Variants in YME1L1 observed in about 807,000 individuals in gnomAD.
The protein encoded by YME1L1 is YME1 like 1 ATPase.
YME1L1 carries 39 observed loss-of-function variants against 90.4 expected under a neutral mutation model. That is an observed-to-expected ratio of 0.43 (90% CI 0.33 to 0.56). YME1L1 has a LOEUF of 0.56. Ranked by LOEUF, YME1L1 falls within the 20% of genes least tolerant of loss-of-function variation. The pLI is 0.03. For missense variants in YME1L1, 617 were observed against 868.4 expected (o/e 0.71, Z 3.64); for synonymous variants, 284 against 287.3 (o/e 0.99, Z 0.12).
At chr10:27,148,842 C>A in intron 2 of YME1L1, 64 bp downstream of exon 2, 1 of 1,583,116 alleles carries the variant, frequency 6.3e-7, no homozygotes, top group Non-Finnish European at 8.6e-7. Flanking sequence ...CTTAATCCTT[C>A]ATTTGTTTAA....
chr10:27,132,182 C>G (rs1007487924), intron 7 of YME1L1, among the ~76,000 whole-genome samples: 4 of 152,078 alleles, frequency 2.6e-5, no homozygotes, highest in Admixed American at 2.0e-4. Flanking sequence ...CTCACTGCAA[C>G]CTCAACCTCC....
At chr10:27,134,175 G>T in intron 6 of YME1L1, 53 bp from the exon 7 acceptor site, 3 of 1,315,888 alleles carry the variant, frequency 2.3e-6, no homozygotes, top group Non-Finnish European at 3.2e-6. Flanking sequence ...AAATATGACA[G>T]CTCAATGAAA....
intron 3 of YME1L1, among the ~76,000 whole-genome samples, chr10:27,143,475 G>A (rs1253025615): frequency 2.0e-5 from 3 of 151,864 alleles, no homozygotes; most frequent in African/African-American, 2.4e-5. Flanking sequence ...TGAGGCGGGC[G>A]GATCACGAGG....
chr10:27,148,794 T>C, intron 2 of YME1L1, 112 bp downstream of exon 2: 1 of 1,414,020 alleles, frequency 7.1e-7, no homozygotes. Context: ...AGTCAAAAAT[T>C]ATACTCAAAT....
intron 4 of YME1L1, among the ~76,000 whole-genome samples, chr10:27,137,066 A>T (rs1267871342): frequency 6.6e-6 from 1 of 151,756 alleles, no homozygotes; most frequent in Non-Finnish European, 1.5e-5. Flanking sequence ...AATAGATTGA[A>T]TCTACACAAC....
chr10:27,151,262 T>TG (rs1474017909), intron 1 of YME1L1, among the ~76,000 whole-genome samples: 1 of 152,178 alleles, frequency 6.6e-6, no homozygotes, highest in Admixed American at 6.5e-5. Flanking sequence ...AACCCTCTCT[T>TG]GGGGTCTGGA....
At chr10:27,144,908 G>A (rs1207692207) in intron 3 of YME1L1, among the ~76,000 whole-genome samples, 1 of 152,154 alleles carries the variant, frequency 6.6e-6, no homozygotes, top group Non-Finnish European at 1.5e-5. Flanking sequence ...TTGGGAGGCT[G>A]AGGAGGGTGG....
intron 5 of YME1L1, 133 bp downstream of exon 5, chr10:27,136,143 G>A (rs1297929472): frequency 6.9e-6 from 5 of 723,812 alleles, no homozygotes; most frequent in South Asian, 1.8e-5. Flanking sequence ...GATTACACAG[G>A]TTACTAATCC....
At chr10:27,140,539 C>A (rs754542331) in intron 4 of YME1L1, among the ~76,000 whole-genome samples, 5 of 152,008 alleles carry the variant, frequency 3.3e-5, no homozygotes, top group East Asian at 1.9e-4. Flanking sequence ...AGTTCAGTGG[C>A]GCGGTCTCGG....
rs369764162 is a variant in YME1L1 at position 27,117,740 on chromosome 10, T to C, written c.1568-13A>G. 1 of 1,612,948 alleles carries C rather than the reference T, an allele frequency of 6.2e-7. No homozygotes were observed. Among genetic ancestry groups the C allele is most frequent in the Non-Finnish European group, 8.5e-7 (1 of 1,179,226 alleles). On this transcript the variant is annotated splice_polypyrimidine_tract_variant and intron_variant, in intron 14 of 18. Transcript: ENST00000376016. Reference sequence around the variant, plus strand: ...CTTCTTTCAGGCCCTAAGATAAATTTAATTGAGTAAATACTCCATTAGAAA... The same window carrying C: ...CTTCTTTCAGGCCCTAAGATAAATTCAATTGAGTAAATACTCCATTAGAAA...
In YME1L1 at chr10:27,122,769, T is replaced by C. The variant is rs757218285; in HGVS notation, c.1235+72A>G. On this transcript the variant is annotated intron_variant, in intron 11 of 18. Coordinates refer to ENST00000376016, the MANE Select transcript of YME1L1 (RefSeq NM_014263.4). ...AAATGCCTTATGGAAATAATTTGCA[T>C]AAGATCAATTCTACGTATATCAAAT... 4 of 1,578,960 alleles carry C rather than the reference T, an allele frequency of 2.5e-6. No individual in the cohort carries two copies. In the East Asian group the frequency reaches 9.0e-5, roughly 35 times the overall value.
In YME1L1 at chr10:27,145,429, A is replaced by G. The variant is rs778512163; in HGVS notation, c.330T>C (p.Tyr110=). ...VSAQSFFENK[Y]GNLDIFSTLR... is the part of the protein sequence containing the mutation. ...GGAACAAAAAACACATTAACATACC[A>G]TATTTATTTTCAAAGAAGGATTGTG... is the stretch of plus-strand genomic sequence containing the variant. Residue 110 remains tyrosine (Y), a splice_region_variant and synonymous_variant, in exon 3 of 19, where the codon TAT becomes TAC. Coordinates refer to ENST00000376016, the MANE Select transcript of YME1L1 (RefSeq NM_014263.4). The G allele has an allele frequency of 4.4e-6, 7 of 1,600,434 alleles. No homozygotes were observed. The South Asian group carries it at 5.6e-5, about 13-fold the overall frequency.
intron 14 of YME1L1, among the ~76,000 whole-genome samples, chr10:27,118,779 TA>T (rs1355684932): frequency 6.6e-6 from 1 of 152,220 alleles, no homozygotes; most frequent in Admixed American, 6.5e-5. Flanking sequence ...ATCCAAGATT[TA>T]AAATCGAAAT....
rs80171997 is a variant in YME1L1 at position 27,146,364 on chromosome 10, T to A, written c.169-774A>T. 1.1e-4 allele frequency: 17 copies of A among 152,200 alleles called. No individual in the cohort carries two copies. In the East Asian group the frequency reaches 3.1e-3, roughly 28 times the overall value. The allele number at this position is 152,200 out of a possible 1,614,324, so 9.4% of individuals were successfully genotyped here. A position where few individuals can be genotyped will look rare whatever the true frequency, so the allele number is the denominator to read the frequency against. On this transcript the variant is annotated intron_variant, in intron 2 of 18. Transcript: ENST00000376016. ...ACTGTGTGAAAATCAGGCAAAAAAGTCTAAAAATCACAAAAATGTGTGTAT... is the reference window on the plus strand; with the variant it reads ...ACTGTGTGAAAATCAGGCAAAAAAGACTAAAAATCACAAAAATGTGTGTAT...
Position 27,110,169 on chromosome 10 carries a change from T to A in YME1L1, c.*1808A>T, listed in dbSNP as rs781288296. The A allele has an allele frequency of 1.1e-4, 17 of 152,162 alleles. No homozygotes were observed. The highest frequency in any genetic ancestry group is 2.0e-4 in the Admixed American group (3 of 15,270). The allele number at this position is 152,162 out of a possible 1,614,324, so 9.4% of individuals were successfully genotyped here. Reference sequence around the variant, plus strand: ...ATACCTCAACAAATATGTAAAAAAATTTAAGACAGATAAGACTTTATCAAT... The same window carrying A: ...ATACCTCAACAAATATGTAAAAAAAATTAAGACAGATAAGACTTTATCAAT... On this transcript the variant is annotated 3_prime_UTR_variant, in exon 19 of 19. Transcript: ENST00000376016.
rs1480558251 is a variant in YME1L1, at chr10:27,110,343, T to G, written c.*1634A>C. On this transcript the variant is annotated 3_prime_UTR_variant, in exon 19 of 19. Transcript: ENST00000376016. ...TATGCTGGCAACATTTCTGCCAGTTTGAAATTACATTAAGATTTAAGATTA... is the reference window on the plus strand; with the variant it reads ...TATGCTGGCAACATTTCTGCCAGTTGGAAATTACATTAAGATTTAAGATTA... The G allele has an allele frequency of 6.6e-6, 1 of 152,190 alleles. No individual in the cohort carries two copies. The highest frequency in any genetic ancestry group is 2.4e-5 in the African/African-American group (1 of 41,448). The allele number at this position is 152,190 out of a possible 1,614,324, so 9.4% of individuals were successfully genotyped here.
rs563278812 is a variant in YME1L1 at position 27,133,486 on chromosome 10, G to A, written c.775+553C>T. On this transcript the variant is annotated intron_variant, in intron 7 of 18. Coordinates refer to ENST00000376016, the MANE Select transcript of YME1L1 (RefSeq NM_014263.4). The stretch of plus-strand genomic sequence containing the variant: ...AAATGCTTAATAAATCAGGAACATA[G>A]AAGCTGGGAAAACAAATTTAAAATA... 4.6e-5 allele frequency among the ~76,000 whole-genome samples: 7 copies of A among 152,268 alleles called. No individual in the cohort carries two copies. In the East Asian group the frequency reaches 1.2e-3, roughly 25 times the overall value.
At chr10:27,120,344 T>C (rs1039653152) in intron 13 of YME1L1, 91 bp downstream of exon 13, 1 of 840,898 alleles carries the variant, frequency 1.2e-6, no homozygotes, top group Non-Finnish European at 1.8e-6. Context: ...GGTCTTTTAA[T>C]GTTAATACAT....
At chr10:27,122,336 T>C (rs892223144) in intron 11 of YME1L1, among the ~76,000 whole-genome samples, 9 of 152,200 alleles carry the variant, frequency 5.9e-5, no homozygotes, top group Admixed American at 3.3e-4. Context: ...GTATACCAAT[T>C]CAAATTATTT....
Sources: allele counts gnomAD v4.1 joint callset (sites outside exome capture counted in the v4.1 genomes callset), GRCh38; gene constraint gnomAD v4.1.1; transcripts MANE v1.5; gene names NCBI Gene and HGNC (gene_info 2026-07-23, HGNC 2026-07-21).